The following CC2D2B variants were observed in gnomAD, a reference collection of about 807,000 sequenced individuals.
CC2D2B encodes the protein coiled-coil and C2 domain containing 2B, also known as protein CC2D2B.
CC2D2B carries 128 observed loss-of-function variants against 161.2 expected under a neutral mutation model. The observed-to-expected ratio is 0.79, with a 90% CI of 0.69 to 0.92. CC2D2B has a LOEUF of 0.92. Among genes scored for constraint, CC2D2B ranks in the 40% least tolerant of loss-of-function variants. CC2D2B has a pLI of 0.00. For synonymous variants in CC2D2B, 391 were observed against 449.8 expected, an observed-to-expected ratio of 0.87 and a Z score of 1.65; for missense variants, 1,173 against 1,375.1, an observed-to-expected ratio of 0.85 and a Z score of 2.32.
chr10:95,982,215 C>A, intron 18 of CC2D2B, 102 bp downstream of exon 18: 1 of 780,606 alleles, frequency 1.3e-6, no homozygotes, highest in Non-Finnish European at 1.7e-6. Flanking sequence ...TTTTTCTAGG[C>A]TCTTGGGGTT....
In CC2D2B at chr10:95,994,939, T is replaced by G. The variant is rs992327896; in HGVS notation, c.2643-330T>G. ...GCCTTCAGTCTCTTGCCTCGGCACC[T>G]GGGTAATCCTCCACCCACAATATAT... is the stretch of plus-strand genomic sequence containing the variant. On this transcript the variant is annotated intron_variant, in intron 22 of 34. Coordinates refer to ENST00000646931, the MANE Select transcript of CC2D2B (RefSeq NM_001349008.3). 2.0e-5 allele frequency among the ~76,000 whole-genome samples: 3 copies of G among 152,256 alleles called. No homozygotes were observed. The East Asian group carries it at 5.8e-4, about 29-fold the overall frequency.
At chr10:95,948,241 C>T (rs926922541) in intron 9 of CC2D2B, among the ~76,000 whole-genome samples, 2 of 142,168 alleles carry the variant, frequency 1.4e-5, no homozygotes, top group Non-Finnish European at 3.0e-5. Context: ...CATCACACTA[C>T]CTGACTTCAA....
chr10:96,005,625 C>G (rs995557558), intron 25 of CC2D2B, among the ~76,000 whole-genome samples: 1 of 152,100 alleles, frequency 6.6e-6, no homozygotes, highest in Non-Finnish European at 1.5e-5. Flanking sequence ...CAACTGTTTT[C>G]TTACTTCCCA....
chr10:95,965,989 A>G lies in CC2D2B; in HGVS notation c.1344A>G (p.Lys448=). The change falls in exon 13 of 35, where the codon AAA becomes AAG. Residue 448 remains lysine (K), a synonymous_variant. Transcript: ENST00000646931. ...AAGGAAAAGAACTTAAGAATGGGAA[A>G]AAACTGGAGGTATTTATATTGCAAA... ...KNEGKELKNG[K]KLESLSYLAS... is the part of the protein sequence containing the mutation. The G allele has an allele frequency of 1.7e-6, 2 of 1,159,760 alleles. No individual in the cohort carries two copies. Among genetic ancestry groups the G allele is most frequent in the Non-Finnish European group, 2.2e-6 (2 of 922,312 alleles). 71.8% of individuals were successfully genotyped at this position (1,159,760 alleles called of 1,614,324 possible). A position where few individuals can be genotyped will look rare whatever the true frequency, so the allele number is the denominator to read the frequency against.
chr10:96,004,325 G>A lies in CC2D2B; in HGVS notation c.2946+77G>A, dbSNP rs970729478. 1.3e-5 allele frequency: 10 copies of A among 767,504 alleles called. No individual in the cohort carries two copies. The African/African-American group carries it at 1.5e-4, about 11-fold the overall frequency. The allele number at this position is 767,504 out of a possible 1,614,324, so 47.5% of individuals were successfully genotyped here. On this transcript the variant is annotated intron_variant, in intron 25 of 34. Coordinates refer to ENST00000646931, the MANE Select transcript of CC2D2B (RefSeq NM_001349008.3). ...CTGAATGAAGTCTACTAACATGTTT[G>A]TAAATATGCTTTTAGATGCAATGTC... is the stretch of plus-strand genomic sequence containing the variant.
At chr10:96,015,243 T>G (rs1486223731) in intron 29 of CC2D2B, among the ~76,000 whole-genome samples, 1 of 147,810 alleles carries the variant, frequency 6.8e-6, no homozygotes, top group Non-Finnish European at 1.5e-5. Flanking sequence ...TTTTTTTTTT[T>G]TTTTTTTTGT....
chr10:95,942,498 G>A (rs2076058007), intron 9 of CC2D2B, among the ~76,000 whole-genome samples: 1 of 152,012 alleles, frequency 6.6e-6, no homozygotes, highest in Non-Finnish European at 1.5e-5. Context: ...CACCCAATGA[G>A]TTCTTTCCCT....
Position 95,938,012 on chromosome 10 carries a change from C to G in CC2D2B, c.358C>G (p.Pro120Ala). ...SEQRPVNRSY[P>A]KCFSLGVNLQ... ...ACAGAGACCAGTAAACCGTAGTTAT[C>G]CCAAATGCTTTTCACTTGGTGTTAA... Residue 120 changes from proline (P) to alanine (A), a missense_variant, in exon 7 of 35, where the codon CCC (proline) becomes GCC (alanine). Transcript: ENST00000646931. 2.6e-6 allele frequency: 4 copies of G among 1,548,866 alleles called. No individual in the cohort carries two copies. Among genetic ancestry groups the G allele is most frequent in the Non-Finnish European group, 3.5e-6 (4 of 1,144,656 alleles).
At chr10:96,031,752 T>C (rs2080075733) in intron 34 of CC2D2B, 68 bp from the exon 35 acceptor site, 4 of 1,335,042 alleles carry the variant, frequency 3.0e-6, no homozygotes, top group African/African-American at 1.5e-5. Context: ...TGTGATCTTT[T>C]TGCATACAGT....
At chr10:95,979,329 G>A (rs952351412) in intron 17 of CC2D2B, among the ~76,000 whole-genome samples, 12 of 152,106 alleles carry the variant, frequency 7.9e-5, no homozygotes, top group Non-Finnish European at 1.5e-5. Flanking sequence ...GGTTGCTACT[G>A]GAGTCATCAC....
intron 30 of CC2D2B, chr10:96,018,998 G>T: frequency 2.2e-6 from 1 of 445,082 alleles, no homozygotes; most frequent in South Asian, 3.9e-5. Context: ...ATAGATACAG[G>T]GTTTCCTTAT....
chr10:96,012,106 T>A, intron 26 of CC2D2B, 79 bp from the exon 27 acceptor site: 1 of 549,200 alleles, frequency 1.8e-6, no homozygotes, highest in South Asian at 2.8e-5. Flanking sequence ...TGTGATGGAG[T>A]GGACTCTGCT....
intron 6 of CC2D2B, among the ~76,000 whole-genome samples, chr10:95,934,801 C>G (rs2075757397): frequency 6.6e-6 from 1 of 152,204 alleles, no homozygotes; most frequent in Non-Finnish European, 1.5e-5. Context: ...GTTAGTCTTG[C>G]TGGGAGCTGC....
intron 24 of CC2D2B, 95 bp from the exon 25 acceptor site, chr10:96,004,057 A>T (rs143174220): frequency 5.0e-5 from 36 of 715,144 alleles, no homozygotes; most frequent in African/African-American, 5.0e-4. Flanking sequence ...AGAAAACAAC[A>T]CAGGTAATTT....
At chr10:95,940,629 G>T (rs2075989242) in intron 9 of CC2D2B, among the ~76,000 whole-genome samples, 1 of 151,954 alleles carries the variant, frequency 6.6e-6, no homozygotes, top group Non-Finnish European at 1.5e-5. Context: ...AGTTGACTTA[G>T]TACCATTTAT....
intron 21 of CC2D2B, 115 bp from the exon 22 acceptor site, chr10:95,992,412 A>C (rs1229880219): frequency 6.3e-6 from 5 of 799,334 alleles, no homozygotes; most frequent in Non-Finnish European, 6.8e-6. Context: ...TCTCCCCTCC[A>C]TAATGCAGAG....
chr10:96,029,290 A>ATATATATG (rs2079955420), intron 34 of CC2D2B, among the ~76,000 whole-genome samples: 1 of 92,046 alleles, frequency 1.1e-5, no homozygotes. Flanking sequence ...ATATATGTAT[A>ATATATATG]TATATATATA....
At position 96,010,090 on chromosome 10, in the gene CC2D2B, GTC is replaced by G. The variant is rs943931926; in HGVS notation, c.3045+171_3045+172del. Reference sequence around the variant, plus strand: ...TTTGAAGTGTTTGAAGATTTGAACTGTCTCTGGAGAGTTCTTTAGAGTGTTAA... The same window carrying G: ...TTTGAAGTGTTTGAAGATTTGAACTGTCTGGAGAGTTCTTTAGAGTGTTAA... On this transcript the variant is annotated intron_variant, in intron 26 of 34. Coordinates refer to ENST00000646931, the MANE Select transcript of CC2D2B (RefSeq NM_001349008.3). Among the ~76,000 whole-genome samples the G allele has an allele frequency of 9.8e-5, 15 of 152,286 alleles. No homozygotes were observed. The Middle Eastern group carries it at 0.017, about 173-fold the overall frequency.
intron 26 of CC2D2B, among the ~76,000 whole-genome samples, chr10:96,011,534 T>C (rs1034327837): frequency 6.6e-6 from 1 of 152,152 alleles, no homozygotes; most frequent in Non-Finnish European, 1.5e-5. Flanking sequence ...TAGTAAGCAC[T>C]CAGTAACTAT....
Sources: allele counts gnomAD v4.1 joint callset (sites outside exome capture counted in the v4.1 genomes callset), GRCh38; gene constraint gnomAD v4.1.1; transcripts MANE v1.5; gene names NCBI Gene and HGNC (gene_info 2026-07-23, HGNC 2026-07-21).